CCSER2: variants seen among roughly 807,000 people sequenced by gnomAD.
The protein encoded by CCSER2 is serine-rich coiled-coil domain-containing protein 2.
A neutral mutation model predicts 92.3 loss-of-function variants in CCSER2; 46 were observed. The ratio of observed to expected loss-of-function variants is 0.50; its 90% CI spans 0.39 to 0.64. CCSER2 has a LOEUF of 0.64. CCSER2 is among the 30% of genes least tolerant of loss of function. CCSER2 has a pLI of 0.00. For missense variants in CCSER2, 1,244 were observed against 1,238.9 expected, an observed-to-expected ratio of 1.00 and a Z score of -0.06; for synonymous variants, 433 against 431.4, an observed-to-expected ratio of 1.00 and a Z score of -0.04.
chr10:84,358,859 G>A (rs539339650), intron 1 of CCSER2, among the ~76,000 whole-genome samples: 2 of 152,016 alleles, frequency 1.3e-5, no homozygotes, highest in East Asian at 3.9e-4. Context: ...GTAAATAATC[G>A]CTAACATTTT....
intron 6 of CCSER2, among the ~76,000 whole-genome samples, chr10:84,457,229 T>TA (rs1207961001): frequency 4.7e-5 from 4 of 85,858 alleles, no homozygotes; most frequent in Non-Finnish European, 9.1e-5. Flanking sequence ...ATATTATATA[T>TA]AAATATATTA....
intron 1 of CCSER2, among the ~76,000 whole-genome samples, chr10:84,342,383 C>T (rs1248475081): frequency 1.3e-5 from 2 of 152,186 alleles, no homozygotes; most frequent in African/African-American, 2.4e-5. Flanking sequence ...TTCGGGTCCT[C>T]ATTACTGTTT....
chr10:84,399,801 CT>C (rs35557307), intron 3 of CCSER2, among the ~76,000 whole-genome samples: 250 of 133,186 alleles, frequency 1.9e-3, no homozygotes, highest in African/African-American at 2.2e-3. Context: ...CTTTTTTGGC[CT>C]TTTTTTTTTT....
intron 1 of CCSER2, among the ~76,000 whole-genome samples, chr10:84,363,475 C>T (rs535481972): frequency 1.1e-4 from 16 of 152,090 alleles, no homozygotes; most frequent in Non-Finnish European, 1.8e-4. Context: ...ACTGCTTATA[C>T]GTGTGTAGTC....
At chr10:84,491,940 G>T (rs549998527) in intron 9 of CCSER2, among the ~76,000 whole-genome samples, 1 of 152,070 alleles carries the variant, frequency 6.6e-6, no homozygotes, top group Non-Finnish European at 1.5e-5. Context: ...GATACTGTTC[G>T]TTAAATTTCA....
chr10:84,341,598 A>G (rs909158833), intron 1 of CCSER2, among the ~76,000 whole-genome samples: 3 of 151,916 alleles, frequency 2.0e-5, no homozygotes, highest in Non-Finnish European at 4.4e-5. Flanking sequence ...TTTAGTTCCA[A>G]TCTAACACTG....
At chr10:84,402,949 T>C (rs902753421) in intron 3 of CCSER2, among the ~76,000 whole-genome samples, 3 of 152,222 alleles carry the variant, frequency 2.0e-5, no homozygotes, top group East Asian at 1.9e-4. Context: ...TTTGTAGATA[T>C]AGACAGGCTT....
At chr10:84,332,949 T>C (rs1843660604) in intron 1 of CCSER2, among the ~76,000 whole-genome samples, 1 of 152,202 alleles carries the variant, frequency 6.6e-6, no homozygotes, top group African/African-American at 2.4e-5. Context: ...AAAGTTAATA[T>C]ACAACTGAGA....
chr10:84,464,113 C>T (rs918659023), intron 7 of CCSER2, 97 bp downstream of exon 7: 10 of 618,324 alleles, frequency 1.6e-5, no homozygotes, highest in Non-Finnish European at 2.8e-5. Flanking sequence ...TGTATTAATA[C>T]CTAAAGCATC....
At chr10:84,482,444 T>A (rs1847512718) in intron 9 of CCSER2, among the ~76,000 whole-genome samples, 1 of 152,246 alleles carries the variant, frequency 6.6e-6, no homozygotes, top group African/African-American at 2.4e-5. Context: ...AAACTATTTT[T>A]AAGCATAGTG....
chr10:84,393,573 G>A (rs758088586), intron 3 of CCSER2, among the ~76,000 whole-genome samples: 2 of 152,134 alleles, frequency 1.3e-5, no homozygotes, highest in Non-Finnish European at 1.5e-5. Flanking sequence ...CCTCTGTGCC[G>A]TAGATGTATG....
chr10:84,376,024 A>G (rs1846316724), intron 3 of CCSER2, among the ~76,000 whole-genome samples: 2 of 152,102 alleles, frequency 1.3e-5, no homozygotes, highest in African/African-American at 2.4e-5. Context: ...TGTCACTTCT[A>G]ACACAGTTTA....
chr10:84,404,171 T>G (rs1842259626), intron 3 of CCSER2, among the ~76,000 whole-genome samples: 1 of 152,200 alleles, frequency 6.6e-6, no homozygotes, highest in African/African-American at 2.4e-5. Flanking sequence ...TGTTCTGATT[T>G]CATTAAACTC....
At chr10:84,496,325 G>A (rs1029017302) in intron 9 of CCSER2, among the ~76,000 whole-genome samples, 15 of 151,468 alleles carry the variant, frequency 9.9e-5, no homozygotes, top group African/African-American at 3.4e-4. Flanking sequence ...TCGCTCTGTC[G>A]CCCAGGCTGG....
chr10:84,457,377 T>TTA, intron 6 of CCSER2, among the ~76,000 whole-genome samples: 1 of 95,932 alleles, frequency 1.0e-5, no homozygotes, highest in Non-Finnish European at 1.9e-5. Flanking sequence ...TAAATATATA[T>TTA]TTTAAATATA....
chr10:84,416,135 G>A (rs1411443861), intron 3 of CCSER2, among the ~76,000 whole-genome samples: 1 of 152,220 alleles, frequency 6.6e-6, no homozygotes, highest in Non-Finnish European at 1.5e-5. Context: ...GAGAAGTGTG[G>A]TTTCCCCAGG....
intron 9 of CCSER2, among the ~76,000 whole-genome samples, chr10:84,512,416 GGA>G (rs1261716488): frequency 8.9e-6 from 1 of 112,148 alleles, no homozygotes; most frequent in East Asian, 2.4e-4. Flanking sequence ...GAGAGAGAGA[GGA>G]GAGAGATAAT....
chr10:84,507,726 T>TA (rs1001694439), intron 9 of CCSER2, among the ~76,000 whole-genome samples: 1 of 151,894 alleles, frequency 6.6e-6, no homozygotes, highest in Non-Finnish European at 1.5e-5. Context: ...GCTAATGCTG[T>TA]AGATCTTTGA....
intron 3 of CCSER2, among the ~76,000 whole-genome samples, chr10:84,378,455 A>G (rs1292294474): frequency 2.3e-5 from 3 of 131,588 alleles, no homozygotes; most frequent in Admixed American, 8.7e-5. Context: ...TTTTTTTGAG[A>G]CGAAGTCTCG....
Sources: gnomAD v4.1 joint callset for allele counts (sites outside exome capture counted in the v4.1 genomes callset) on GRCh38, gnomAD v4.1.1 for gene constraint, MANE v1.5 for transcripts, NCBI Gene and HGNC (gene_info 2026-07-23, HGNC 2026-07-21) for gene names.